The following FRMD4A variants were observed in gnomAD, a reference collection of about 807,000 sequenced individuals.
The protein encoded by FRMD4A is FERM domain containing 4A.
Under a neutral mutation model 129.1 loss-of-function variants are expected in FRMD4A, and 29 were observed. That is an observed-to-expected ratio of 0.22 (90% CI 0.17 to 0.31). FRMD4A has a LOEUF of 0.31. FRMD4A is among the 10% of genes least tolerant of loss of function. FRMD4A has a pLI of 1.00. For missense variants in FRMD4A, 1,272 were observed against 1,375.8 expected, an observed-to-expected ratio of 0.92 and a Z score of 1.19; for synonymous variants, 634 against 571.6, an observed-to-expected ratio of 1.11 and a Z score of -1.56.
chr10:13,833,636 A>C (rs72771059), intron 3 of FRMD4A, among the ~76,000 whole-genome samples: 8,536 of 152,084 alleles, frequency 0.056, 317 homozygotes, highest in South Asian at 0.1. Context: ...ATACAATATC[A>C]GTACCTGCTT....
chr10:13,832,798 C>A (rs550845585), intron 3 of FRMD4A, among the ~76,000 whole-genome samples: 2 of 152,122 alleles, frequency 1.3e-5, no homozygotes, highest in African/African-American at 2.4e-5. Context: ...TGCCACCACA[C>A]CCGGCTAATT....
chr10:14,266,162 G>A (rs1429167527), intron 2 of FRMD4A, among the ~76,000 whole-genome samples: 1 of 150,672 alleles, frequency 6.6e-6, no homozygotes, highest in Non-Finnish European at 1.5e-5. Context: ...TGTCCTGGGG[G>A]TGGGAGGGGG....
intron 5 of FRMD4A, among the ~76,000 whole-genome samples, chr10:13,789,779 G>GTGTT (rs1014140556): frequency 6.7e-6 from 1 of 149,696 alleles, no homozygotes; most frequent in African/African-American, 2.5e-5. Flanking sequence ...ATGTGTGTGT[G>GTGTT]TGTGTGTGTG....
intron 14 of FRMD4A, among the ~76,000 whole-genome samples, chr10:13,696,701 G>A (rs11258534): frequency 0.16 from 24,462 of 151,972 alleles, 2,053 homozygotes; most frequent in Non-Finnish European, 0.18. Context: ...CTGAGATCAC[G>A]CCACTGCCTG....
At chr10:14,262,996 C>A (rs184390768) in intron 2 of FRMD4A, among the ~76,000 whole-genome samples, 2 of 152,174 alleles carry the variant, frequency 1.3e-5, no homozygotes, top group African/African-American at 4.8e-5. Context: ...TCAGTGCAGG[C>A]GAGAGGGGGA....
intron 2 of FRMD4A, among the ~76,000 whole-genome samples, chr10:13,928,205 A>G (rs1182225402): frequency 1.3e-5 from 2 of 151,974 alleles, no homozygotes; most frequent in East Asian, 1.9e-4. Context: ...AATGTTTTGC[A>G]TAGAAGAAGT....
At chr10:14,054,954 G>A (rs1834438965) in intron 2 of FRMD4A, among the ~76,000 whole-genome samples, 1 of 152,182 alleles carries the variant, frequency 6.6e-6, no homozygotes, top group African/African-American at 2.4e-5. Flanking sequence ...GGAACTGTGA[G>A]TCCATTAAAC....
chr10:13,707,248 C>G, intron 12 of FRMD4A, 135 bp from the exon 13 acceptor site: 1 of 770,416 alleles, frequency 1.3e-6, no homozygotes, highest in Non-Finnish European at 2.0e-6. Flanking sequence ...CCTCCTCCGC[C>G]TCTTGCTTGA....
intron 2 of FRMD4A, among the ~76,000 whole-genome samples, chr10:14,177,627 G>T (rs11258919): frequency 3.3e-5 from 5 of 152,110 alleles, no homozygotes; most frequent in East Asian, 1.9e-4. Context: ...TAGAACAGAG[G>T]GGGGACTATG....
intron 3 of FRMD4A, among the ~76,000 whole-genome samples, chr10:13,827,471 G>C (rs777752929): frequency 6.6e-6 from 1 of 152,168 alleles, no homozygotes; most frequent in Non-Finnish European, 1.5e-5. Flanking sequence ...TTTTGGAGGC[G>C]ATGTTTTATT....
intron 6 of FRMD4A, among the ~76,000 whole-genome samples, chr10:13,776,016 C>T (rs773373162): frequency 1.3e-5 from 2 of 152,162 alleles, no homozygotes; most frequent in Non-Finnish European, 2.9e-5. Context: ...CTTATGACTA[C>T]GGCTTTAAGC....
At chr10:14,325,292 T>C (rs1843228217) in intron 2 of FRMD4A, among the ~76,000 whole-genome samples, 1 of 152,214 alleles carries the variant, frequency 6.6e-6, no homozygotes, top group Non-Finnish European at 1.5e-5. Context: ...AGGTCAAATG[T>C]AGAGAAGGAT....
At chr10:13,961,974 G>C (rs2095448065) in intron 2 of FRMD4A, among the ~76,000 whole-genome samples, 1 of 152,106 alleles carries the variant, frequency 6.6e-6, no homozygotes, top group African/African-American at 2.4e-5. Flanking sequence ...CCAGAACTTT[G>C]CTCAATGTCT....
chr10:13,903,740 C>T (rs934663166), intron 2 of FRMD4A, among the ~76,000 whole-genome samples: 3 of 151,668 alleles, frequency 2.0e-5, no homozygotes, highest in African/African-American at 7.3e-5. Flanking sequence ...ATAGCCAGGG[C>T]GTGGTGGTGA....
At chr10:14,134,749 G>T (rs207470702) in intron 2 of FRMD4A, among the ~76,000 whole-genome samples, 1 of 152,124 alleles carries the variant, frequency 6.6e-6, no homozygotes, top group Non-Finnish European at 1.5e-5. Flanking sequence ...GTGAGTGGAT[G>T]GATAGAAAGT....
chr10:13,971,579 G>T, intron 2 of FRMD4A: 1 of 820,274 alleles, frequency 1.2e-6, no homozygotes, highest in Non-Finnish European at 1.8e-6. Context: ...TGTGACAATA[G>T]CTCATGCCCC....
At chr10:14,234,026 C>T (rs1374193201) in intron 2 of FRMD4A, among the ~76,000 whole-genome samples, 4 of 152,166 alleles carry the variant, frequency 2.6e-5, no homozygotes, top group Non-Finnish European at 5.9e-5. Flanking sequence ...AGAAAGAAAT[C>T]CCAAGCTAAT....
chr10:13,651,857 G>T (rs372168910), intron 24 of FRMD4A, 46 bp downstream of exon 24: 4 of 910,264 alleles, frequency 4.4e-6, no homozygotes, highest in African/African-American at 3.2e-5. Flanking sequence ...ACACATGTGG[G>T]ACCACAGACT....
chr10:14,065,054 G>A (rs754246152), intron 2 of FRMD4A, among the ~76,000 whole-genome samples: 8 of 152,156 alleles, frequency 5.3e-5, no homozygotes, highest in Non-Finnish European at 1.0e-4. Flanking sequence ...TTGAGTGGTA[G>A]GGAGTGCCAA....
Sources: allele counts gnomAD v4.1 joint callset (sites outside exome capture counted in the v4.1 genomes callset), GRCh38; gene constraint gnomAD v4.1.1; transcripts MANE v1.5; gene names NCBI Gene and HGNC (gene_info 2026-07-23, HGNC 2026-07-21).